PARD3: variants seen among roughly 807,000 people sequenced by gnomAD.
The protein encoded by PARD3 is par-3 family cell polarity regulator.
Under a neutral mutation model 155.4 loss-of-function variants are expected in PARD3, and 75 were observed. The observed-to-expected ratio is 0.48, with a 90% CI of 0.40 to 0.58. The LOEUF is 0.58. Ranked by LOEUF, PARD3 falls within the 20% of genes least tolerant of loss-of-function variation. The pLI, the probability that PARD3 is intolerant of heterozygous loss-of-function variation, is 0.00. For missense variants in PARD3, 1,642 were observed against 1,721.7 expected, an observed-to-expected ratio of 0.95 and a Z score of 0.82; for synonymous variants, 576 against 610.5, an observed-to-expected ratio of 0.94 and a Z score of 0.83.
intron 2 of PARD3, among the ~76,000 whole-genome samples, chr10:34,658,476 C>T (rs1006042820): frequency 8.5e-5 from 13 of 152,152 alleles, no homozygotes; most frequent in Non-Finnish European, 1.5e-4. Flanking sequence ...AGCTTGAAGG[C>T]GGCACCAGGG....
intron 20 of PARD3, 47 bp downstream of exon 20, chr10:34,317,060 C>T: frequency 6.7e-7 from 1 of 1,501,720 alleles, no homozygotes; most frequent in Non-Finnish European, 8.9e-7. Context: ...TAAGCTCACA[C>T]TCCTGTATGT....
At position 34,338,974 on chromosome 10, in the gene PARD3, C is replaced by A. The variant is rs369636625; in HGVS notation, c.2409-1548G>T. ...CACAAATTATGATGACAGACATCTA[C>A]CCTCAGATGCCCCTTCACATACTAC... On this transcript the variant is annotated intron_variant, in intron 16 of 24. Transcript: ENST00000374788. 1.2e-4 allele frequency among the ~76,000 whole-genome samples: 19 copies of A among 152,210 alleles called. No individual in the cohort carries two copies. The East Asian group carries it at 1.4e-3, about 11-fold the overall frequency.
chr10:34,777,857 TTCCC>T (rs1839784635), intron 1 of PARD3, among the ~76,000 whole-genome samples: 1 of 152,084 alleles, frequency 6.6e-6, no homozygotes, highest in Non-Finnish European at 1.5e-5. Flanking sequence ...AATCAACTGA[TTCCC>T]TGAGGAATGA....
rs1031496355 is a variant in PARD3 at position 34,606,009 on chromosome 10, A to C, written c.223-88850T>G. Among the ~76,000 whole-genome samples, 3 of 99,144 alleles carry C rather than the reference A, an allele frequency of 3.0e-5. 1 individual carries two copies. The highest frequency in any genetic ancestry group is 6.0e-5 in the Non-Finnish European group (3 of 50,122). The allele number at this position is 99,144 out of a possible 152,430, so 65.0% of individuals were successfully genotyped here. ...ATATATATATCTCCTATATATATAT[A>C]TCTCCTATATCTATATCTCCTATAT... is the stretch of plus-strand genomic sequence containing the variant. On this transcript the variant is annotated intron_variant, in intron 2 of 24. Coordinates refer to ENST00000374788, the MANE Select transcript of PARD3 (RefSeq NM_001184785.2).
At chr10:34,118,938 T>C (rs1049563585) in intron 24 of PARD3, among the ~76,000 whole-genome samples, 3 of 152,192 alleles carry the variant, frequency 2.0e-5, no homozygotes, top group Non-Finnish European at 4.4e-5. Flanking sequence ...AGAAAAACTT[T>C]GATGGAAAAA....
intron 4 of PARD3, among the ~76,000 whole-genome samples, chr10:34,468,130 A>G (rs904919149): frequency 6.6e-6 from 1 of 152,122 alleles, no homozygotes; most frequent in African/African-American, 2.4e-5. Context: ...CCTGGACTGC[A>G]GCACCTCCTT....
chr10:34,490,708 T>C (rs529746373), intron 3 of PARD3, among the ~76,000 whole-genome samples: 1 of 152,310 alleles, frequency 6.6e-6, no homozygotes, highest in South Asian at 2.1e-4. Flanking sequence ...ACATATACTG[T>C]TCCTATACTA....
rs1286938330 is a variant in PARD3, at chr10:34,111,568, A to G, written c.3669-6T>C. ...TGGCATTTTTCCTGCTTTGCCTAGA[A>G]AGCAAAACCCAAAGGTTAGTGTGAG... On this transcript the variant is annotated splice_region_variant and splice_polypyrimidine_tract_variant and intron_variant, in intron 24 of 24. Coordinates refer to ENST00000374788, the MANE Select transcript of PARD3 (RefSeq NM_001184785.2). 6.3e-7 allele frequency: 1 copy of G among 1,589,916 alleles called. No homozygotes were observed. The highest frequency in any genetic ancestry group is 8.6e-7 in the Non-Finnish European group (1 of 1,164,582).
chr10:34,546,849 T>A (rs2133934562), intron 2 of PARD3, among the ~76,000 whole-genome samples: 1 of 152,318 alleles, frequency 6.6e-6, no homozygotes, highest in East Asian at 1.9e-4. Context: ...ATGAGCACAT[T>A]AGAATTTAGG....
At chr10:34,606,765 C>G (rs553059658) in intron 2 of PARD3, among the ~76,000 whole-genome samples, 2 of 151,152 alleles carry the variant, frequency 1.3e-5, no homozygotes, top group South Asian at 4.2e-4. Flanking sequence ...GTCAAGAGAT[C>G]GAGACCATCC....
intron 1 of PARD3, among the ~76,000 whole-genome samples, chr10:34,806,600 G>T (rs1235064664): frequency 2.6e-5 from 4 of 152,126 alleles, no homozygotes; most frequent in African/African-American, 9.7e-5. Context: ...CAAAGCTCTG[G>T]GATTACAGGC....
At chr10:34,813,033 C>G (rs140680741) in intron 1 of PARD3, among the ~76,000 whole-genome samples, 258 of 152,300 alleles carry the variant, frequency 1.7e-3, no homozygotes, top group African/African-American at 5.9e-3. Flanking sequence ...CAGCTTCTCA[C>G]AGCCAGTGGG....
At chr10:34,190,634 T>C (rs1308445054) in intron 22 of PARD3, among the ~76,000 whole-genome samples, 1 of 152,104 alleles carries the variant, frequency 6.6e-6, no homozygotes, top group Non-Finnish European at 1.5e-5. Context: ...CCCAACACAA[T>C]TTCTGCCCTT....
At chr10:34,148,445 C>A (rs1268499090) in intron 22 of PARD3, among the ~76,000 whole-genome samples, 1 of 152,068 alleles carries the variant, frequency 6.6e-6, no homozygotes, top group Non-Finnish European at 1.5e-5. Context: ...TGGATTTTGG[C>A]TGACATTTTG....
intron 2 of PARD3, among the ~76,000 whole-genome samples, chr10:34,645,598 G>A (rs746806273): frequency 2.6e-4 from 39 of 152,222 alleles, no homozygotes; most frequent in Non-Finnish European, 3.1e-4. Context: ...TTCCAAAACA[G>A]GTATCTCTTA....
intron 24 of PARD3, among the ~76,000 whole-genome samples, chr10:34,118,010 G>C (rs555990261): frequency 2.6e-5 from 4 of 152,256 alleles, no homozygotes; most frequent in Non-Finnish European, 5.9e-5. Flanking sequence ...AAAATGACTT[G>C]CTAGCTGTGT....
rs529621065 is a variant in PARD3, at chr10:34,479,229, T to C, written c.404-8966A>G. 8.6e-5 allele frequency among the ~76,000 whole-genome samples: 13 copies of C among 151,088 alleles called. No individual in the cohort carries two copies. In the South Asian group the frequency reaches 2.7e-3, roughly 32 times the overall value. On this transcript the variant is annotated intron_variant, in intron 3 of 24. Coordinates refer to ENST00000374788, the MANE Select transcript of PARD3 (RefSeq NM_001184785.2). ...CAGGCTGGAGTGCAGTGGCACAATCTTGGCTCACTGCAAGCTCCACCTCCC... is the reference window on the plus strand; with the variant it reads ...CAGGCTGGAGTGCAGTGGCACAATCCTGGCTCACTGCAAGCTCCACCTCCC...
intron 2 of PARD3, among the ~76,000 whole-genome samples, chr10:34,627,288 G>A (rs1000892993): frequency 4.6e-5 from 7 of 152,052 alleles, no homozygotes; most frequent in Non-Finnish European, 7.4e-5. Context: ...ATGACCTCCC[G>A]AAGTGCTGGG....
At chr10:34,359,101 A>G in intron 14 of PARD3, 46 bp downstream of exon 14, 2 of 1,488,974 alleles carry the variant, frequency 1.3e-6, no homozygotes, top group Non-Finnish European at 1.9e-6. Flanking sequence ...ACAGAAATGT[A>G]GTTTATTTAC....
Sources: allele counts gnomAD v4.1 joint callset (sites outside exome capture counted in the v4.1 genomes callset), GRCh38; gene constraint gnomAD v4.1.1; transcripts MANE v1.5; gene names NCBI Gene and HGNC (gene_info 2026-07-23, HGNC 2026-07-21).